SRBD1: variants seen among roughly 807,000 people sequenced by gnomAD.
The protein encoded by SRBD1 is S1 RNA binding domain 1, also known as S1 RNA-binding domain-containing protein 1.
In SRBD1, 88 loss-of-function variants were observed where a neutral mutation model predicts 115.3. The ratio of observed to expected loss-of-function variants is 0.76; its 90% CI spans 0.64 to 0.91. The LOEUF (loss-of-function observed/expected upper bound fraction) is 0.91, where lower values mean the gene tolerates loss of function less well. Ranked by LOEUF, SRBD1 falls within the 40% of genes least tolerant of loss-of-function variation. The pLI, the probability that SRBD1 is intolerant of heterozygous loss-of-function variation, is 0.00. For missense variants in SRBD1, 1,385 were observed against 1,177.4 expected (o/e 1.18, Z -2.58); for synonymous variants, 509 against 407.7 (o/e 1.25, Z -2.99).
intron 16 of SRBD1, among the ~76,000 whole-genome samples, chr2:45,421,501 C>T (rs1468147943): frequency 5.4e-4 from 37 of 68,212 alleles, no homozygotes; most frequent in Non-Finnish European, 8.0e-4. Context: ...TGTGAGACTC[C>T]GTCTCAAACA....
chr2:45,461,923 C>T (rs935844544), intron 16 of SRBD1, among the ~76,000 whole-genome samples: 5 of 152,098 alleles, frequency 3.3e-5, no homozygotes, highest in Non-Finnish European at 7.4e-5. Context: ...CCTAACGTGT[C>T]GATCCTCCTC....
At chr2:45,540,320 G>A (rs6741125) in intron 14 of SRBD1, among the ~76,000 whole-genome samples, 6,830 of 149,340 alleles carry the variant, frequency 0.046, 532 homozygotes, top group African/African-American at 0.16. Flanking sequence ...CAGCCTGGGC[G>A]ACAGAGAGAG....
At chr2:45,442,899 G>A (rs150141087) in intron 16 of SRBD1, among the ~76,000 whole-genome samples, 2 of 152,142 alleles carry the variant, frequency 1.3e-5, no homozygotes, top group Non-Finnish European at 2.9e-5. Context: ...GGAGGCAGTA[G>A]TGTCTCGTCC....
chr2:45,551,697 T>A (rs760445623), intron 11 of SRBD1, among the ~76,000 whole-genome samples: 2 of 152,106 alleles, frequency 1.3e-5, no homozygotes, highest in African/African-American at 4.8e-5. Context: ...TGGCTCATCA[T>A]AGAAACAGCA....
In SRBD1 at chr2:45,602,201, A is replaced by C. The variant is rs1674116136; in HGVS notation, c.81-118T>G. The C allele has an allele frequency of 1.0e-5, 12 of 1,148,440 alleles. No homozygotes were observed. The South Asian group carries it at 1.7e-4, about 17-fold the overall frequency. 71.1% of individuals were successfully genotyped at this position (1,148,440 alleles called of 1,614,324 possible). ...GTAGGAGGTGTTTAATATAAAATGGAGTGATTGAGTACAGGCTGTGAACAG... is the reference window on the plus strand; with the variant it reads ...GTAGGAGGTGTTTAATATAAAATGGCGTGATTGAGTACAGGCTGTGAACAG... On this transcript the variant is annotated intron_variant, in intron 2 of 20. Coordinates refer to ENST00000263736, the MANE Select transcript of SRBD1 (RefSeq NM_018079.5).
intron 11 of SRBD1, among the ~76,000 whole-genome samples, chr2:45,552,074 T>C (rs1257755568): frequency 1.3e-5 from 2 of 152,122 alleles, no homozygotes; most frequent in Non-Finnish European, 2.9e-5. Flanking sequence ...ACTGACAATG[T>C]AGAACTGATG....
chr2:45,607,335 C>G (rs1041672258), intron 1 of SRBD1, among the ~76,000 whole-genome samples: 2 of 151,998 alleles, frequency 1.3e-5, no homozygotes, highest in Non-Finnish European at 2.9e-5. Context: ...ACTAGCTATT[C>G]CTCTAGAAGA....
At chr2:45,406,596 C>G (rs1667444729) in intron 19 of SRBD1, among the ~76,000 whole-genome samples, 1 of 152,222 alleles carries the variant, frequency 6.6e-6, no homozygotes, top group South Asian at 2.1e-4. Flanking sequence ...TACTCCTCTC[C>G]TAAAATAAGA....
At chr2:45,393,990 A>T (rs1667076574) in intron 19 of SRBD1, among the ~76,000 whole-genome samples, 1 of 152,222 alleles carries the variant, frequency 6.6e-6, no homozygotes, top group African/African-American at 2.4e-5. Flanking sequence ...AGCCTCATAT[A>T]AACTAAATTA....
intron 16 of SRBD1, among the ~76,000 whole-genome samples, chr2:45,435,837 G>A (rs1014387522): frequency 6.6e-6 from 1 of 152,082 alleles, no homozygotes; most frequent in Non-Finnish European, 1.5e-5. Flanking sequence ...AAACATTTAA[G>A]GAAGAAATTA....
intron 2 of SRBD1, among the ~76,000 whole-genome samples, chr2:45,603,847 A>G (rs1251454416): frequency 5.3e-5 from 8 of 152,050 alleles, no homozygotes; most frequent in Non-Finnish European, 1.0e-4. Flanking sequence ...TCAATTTTAT[A>G]TAGTATCTCC....
intron 16 of SRBD1, among the ~76,000 whole-genome samples, chr2:45,474,154 ATC>A (rs759604452): frequency 6.6e-6 from 1 of 152,214 alleles, no homozygotes; most frequent in Non-Finnish European, 1.5e-5. Flanking sequence ...AAATGCAATA[ATC>A]TCTTTTCTCT....
At chr2:45,421,541 A>AAAAAAAAC (rs1668006577) in intron 16 of SRBD1, among the ~76,000 whole-genome samples, 1 of 147,248 alleles carries the variant, frequency 6.8e-6, no homozygotes, top group Non-Finnish European at 1.5e-5. Context: ...AAAAAAAAAA[A>AAAAAAAAC]AAAAGTCAGA....
chr2:45,444,417 T>C (rs944712483), intron 16 of SRBD1, among the ~76,000 whole-genome samples: 1 of 152,206 alleles, frequency 6.6e-6, no homozygotes. Flanking sequence ...TGTTAATATG[T>C]AAAGACATGG....
rs893362911 is a variant in SRBD1, at chr2:45,559,735, T to C, written c.1409+2918A>G. Among the ~76,000 whole-genome samples the C allele has an allele frequency of 2.0e-5, 3 of 152,320 alleles. No homozygotes were observed. In the South Asian group the frequency reaches 6.2e-4, roughly 32 times the overall value. ...AAAAGTTCTTTTGAGAATAATTTTT[T>C]AGGTCCTAGAAAAGTGTTTCAGCTC... is the stretch of plus-strand genomic sequence containing the variant. On this transcript the variant is annotated intron_variant, in intron 10 of 20. Coordinates refer to ENST00000263736, the MANE Select transcript of SRBD1 (RefSeq NM_018079.5).
intron 14 of SRBD1, among the ~76,000 whole-genome samples, chr2:45,519,017 A>G (rs2103948785): frequency 6.6e-6 from 1 of 152,066 alleles, no homozygotes; most frequent in Non-Finnish European, 1.5e-5. Flanking sequence ...TTTCTAGCAA[A>G]GTATATTGAG....
intron 14 of SRBD1, among the ~76,000 whole-genome samples, chr2:45,498,433 T>C (rs548790910): frequency 6.6e-6 from 1 of 152,194 alleles, no homozygotes; most frequent in Non-Finnish European, 1.5e-5. Flanking sequence ...ATAACTGTTA[T>C]ACATATTTTT....
At chr2:45,546,955 T>C (rs1376158813) in intron 13 of SRBD1, 116 bp from the exon 14 acceptor site, 1 of 952,726 alleles carries the variant, frequency 1.0e-6, no homozygotes, top group Non-Finnish European at 1.6e-6. Flanking sequence ...CTCTCATATA[T>C]ACAAGCAACC....
chr2:45,440,155 T>C (rs1668621110), intron 16 of SRBD1, among the ~76,000 whole-genome samples: 1 of 152,242 alleles, frequency 6.6e-6, no homozygotes, highest in Non-Finnish European at 1.5e-5. Context: ...GACGTTAAGA[T>C]ACTGATCCTG....
Sources: allele counts gnomAD v4.1 joint callset (sites outside exome capture counted in the v4.1 genomes callset), GRCh38; gene constraint gnomAD v4.1.1; transcripts MANE v1.5; gene names NCBI Gene and HGNC (gene_info 2026-07-23, HGNC 2026-07-21).